YWHAZ: variants seen among roughly 807,000 people sequenced by gnomAD.
YWHAZ encodes the protein 14-3-3 protein zeta/delta.
For missense variants in YWHAZ, 79 were observed against 284.8 expected, an observed-to-expected ratio of 0.28 and a Z score of 5.20; for synonymous variants, 87 against 103.6, an observed-to-expected ratio of 0.84 and a Z score of 0.97.
In YWHAZ at chr8:100,918,406, CTTTATATATATATATA is replaced by C. The variant is rs1563661734; in HGVS notation, c.*2271_*2286del. 5.1e-5 allele frequency: 1 copy of C among 19,618 alleles called. No homozygotes were observed. Among genetic ancestry groups the C allele is most frequent in the African/African-American group, 1.3e-4 (1 of 7,578 alleles). 1.2% of individuals were successfully genotyped at this position (19,618 alleles called of 1,614,324 possible). A position where few individuals can be genotyped will look rare whatever the true frequency, so the allele number is the denominator to read the frequency against. On this transcript the variant is annotated 3_prime_UTR_variant, in exon 6 of 6. Coordinates refer to ENST00000395958, the MANE Select transcript of YWHAZ (RefSeq NM_145690.3). Reference sequence around the variant, plus strand: ...TCAGTCTAGCTATAAAATATAATTACTTTATATATATATATATATATATATATATATATATATAATT... The same window carrying C: ...TCAGTCTAGCTATAAAATATAATTACTATATATATATATATATATATAATT...
At chr8:100,935,356 T>A (rs1303198703) in intron 2 of YWHAZ, among the ~76,000 whole-genome samples, 7 of 152,198 alleles carry the variant, frequency 4.6e-5, no homozygotes, top group Non-Finnish European at 1.5e-5. Flanking sequence ...TTTTAATAGC[T>A]CAACATCCTA....
intron 2 of YWHAZ, among the ~76,000 whole-genome samples, chr8:100,937,349 C>G (rs1586127732): frequency 6.7e-6 from 1 of 150,168 alleles, no homozygotes; most frequent in Non-Finnish European, 1.5e-5. Flanking sequence ...AGAAATGGTA[C>G]AAAAACAATG....
rs556703474 is a variant in YWHAZ, at chr8:100,918,995, A to C, written c.*1698T>G. The C allele has an allele frequency of 2.6e-5, 4 of 152,600 alleles. No individual in the cohort carries two copies. The South Asian group carries it at 8.3e-4, about 32-fold the overall frequency. 9.5% of individuals were successfully genotyped at this position (152,600 alleles called of 1,614,324 possible). On this transcript the variant is annotated 3_prime_UTR_variant, in exon 6 of 6. Coordinates refer to ENST00000395958, the MANE Select transcript of YWHAZ (RefSeq NM_145690.3). ...AAAGGCAGACAATGACAGACCATTC[A>C]GGATAGGTAGGGTTTTAAAGGGAGA...
At position 100,924,913 on chromosome 8, in the gene YWHAZ, T is replaced by C; in HGVS notation, c.418+3A>G. On this transcript the variant is annotated splice_donor_region_variant and intron_variant, in intron 3 of 5. Transcript: ENST00000395958. This position sits in a 1 kb window ranked among gnomAD's most constrained non-coding sequence, Gnocchi z 5.7. ...TCAACCAACAGGTTTAAAAACAGCA[T>C]ACCTTTCTTGTCATCACCAGCGGCA... is the stretch of plus-strand genomic sequence containing the variant. 1.9e-6 allele frequency: 3 copies of C among 1,611,976 alleles called. No homozygotes were observed. Among genetic ancestry groups the C allele is most frequent in the Non-Finnish European group, 2.5e-6 (3 of 1,179,732 alleles).
intron 2 of YWHAZ, among the ~76,000 whole-genome samples, chr8:100,926,190 T>C (rs903699162): frequency 1.5e-5 from 2 of 136,794 alleles, no homozygotes; most frequent in African/African-American, 5.6e-5. Context: ...ACCCAACTTC[T>C]TCCCCCAATT....
chr8:100,951,541 G>A (rs1810782944), intron 1 of YWHAZ: 2 of 985,612 alleles, frequency 2.0e-6, no homozygotes, highest in Non-Finnish European at 2.4e-6. Context: ...GGGGGTGGAA[G>A]CCCGCAGAGA....
At chr8:100,930,446 A>G (rs998511465) in intron 2 of YWHAZ, among the ~76,000 whole-genome samples, 7 of 152,226 alleles carry the variant, frequency 4.6e-5, no homozygotes, top group African/African-American at 1.7e-4. Flanking sequence ...TCAACTTGTA[A>G]AATTTTTCAA....
chr8:100,942,225 G>A (rs1460387021), intron 2 of YWHAZ, among the ~76,000 whole-genome samples: 1 of 152,014 alleles, frequency 6.6e-6, no homozygotes, highest in East Asian at 1.9e-4. Context: ...CATGGCTTTG[G>A]TGCCTGAATG....
chr8:100,940,002 G>A (rs1814511754), intron 2 of YWHAZ, among the ~76,000 whole-genome samples: 2 of 146,944 alleles, frequency 1.4e-5, no homozygotes, highest in African/African-American at 5.0e-5. Flanking sequence ...CAGCCTGGGG[G>A]ACAGAGCGAG....
rs1812774509 is a variant in YWHAZ, at chr8:100,918,048, A to G, written c.*2645T>C. 6.6e-6 allele frequency: 1 copy of G among 152,056 alleles called. No homozygotes were observed. The highest frequency in any genetic ancestry group is 2.1e-4 in the South Asian group (1 of 4,830). The allele number at this position is 152,056 out of a possible 1,614,324, so 9.4% of individuals were successfully genotyped here. On this transcript the variant is annotated 3_prime_UTR_variant, in exon 6 of 6. Transcript: ENST00000395958. The stretch of plus-strand genomic sequence containing the variant: ...AGTTTCAGGTTTTATTTACTTGAAT[A>G]ATATCACATCTCTACTGGGCGCGGT...
intron 2 of YWHAZ, among the ~76,000 whole-genome samples, chr8:100,938,623 A>G (rs981741899): frequency 1.3e-5 from 2 of 152,216 alleles, no homozygotes; most frequent in Non-Finnish European, 2.9e-5. Context: ...TAATTTTCCT[A>G]TAATTTTTAT....
chr8:100,920,412 A>G lies in YWHAZ; in HGVS notation c.*281T>C. On this transcript the variant is annotated 3_prime_UTR_variant, in exon 6 of 6. Coordinates refer to ENST00000395958, the MANE Select transcript of YWHAZ (RefSeq NM_145690.3). ...TTACACTGGCCCTTTTGAAGCCACA[A>G]TGTACCAAAAGTACTATGCCAAACA... 1 of 384,858 alleles carries G rather than the reference A, an allele frequency of 2.6e-6. No homozygotes were observed. Among genetic ancestry groups the G allele is most frequent in the Non-Finnish European group, 4.7e-6 (1 of 214,396 alleles). The allele number at this position is 384,858 out of a possible 1,614,324, so 23.8% of individuals were successfully genotyped here.
chr8:100,944,113 C>T (rs1810091116), intron 2 of YWHAZ, among the ~76,000 whole-genome samples: 1 of 151,824 alleles, frequency 6.6e-6, no homozygotes, highest in South Asian at 2.1e-4. Context: ...TGTAAATATA[C>T]AGTATATCTT....
chr8:100,929,609 G>A (rs760579179), intron 2 of YWHAZ, among the ~76,000 whole-genome samples: 2 of 152,186 alleles, frequency 1.3e-5, no homozygotes, highest in Non-Finnish European at 2.9e-5. Context: ...TTGAATACTA[G>A]AACTTATTTC....
intron 1 of YWHAZ, among the ~76,000 whole-genome samples, chr8:100,949,946 A>G (rs1209637936): frequency 6.6e-6 from 1 of 152,226 alleles, no homozygotes; most frequent in Non-Finnish European, 1.5e-5. Flanking sequence ...ATGACTTCAG[A>G]GGAAAATACA....
chr8:100,936,995 T>A (rs1399837483), intron 2 of YWHAZ, among the ~76,000 whole-genome samples: 1 of 152,212 alleles, frequency 6.6e-6, no homozygotes, highest in Non-Finnish European at 1.5e-5. Context: ...CTGGATGGAA[T>A]TCTGGAGCAG....
chr8:100,945,513 A>AAT (rs1246714535), intron 2 of YWHAZ, among the ~76,000 whole-genome samples: 6 of 152,148 alleles, frequency 3.9e-5, no homozygotes, highest in Non-Finnish European at 8.8e-5. Flanking sequence ...CAAATTAAAA[A>AAT]ATATATATAT....
chr8:100,926,077 C>T (rs1563670775), intron 2 of YWHAZ, among the ~76,000 whole-genome samples: 1 of 152,060 alleles, frequency 6.6e-6, no homozygotes, highest in Non-Finnish European at 1.5e-5. Context: ...TTATATAGCA[C>T]CTACTTATAT....
chr8:100,928,153 G>A (rs1156728315), intron 2 of YWHAZ, among the ~76,000 whole-genome samples: 3 of 152,086 alleles, frequency 2.0e-5, no homozygotes, highest in Admixed American at 1.3e-4. Flanking sequence ...GGTGGCGGGC[G>A]CCTGTAGTCC....
Sources: allele counts gnomAD v4.1 joint callset (sites outside exome capture counted in the v4.1 genomes callset), GRCh38; gene constraint gnomAD v4.1.1; non-coding constraint Gnocchi (gnomAD v3.1); transcripts MANE v1.5; gene names NCBI Gene and HGNC (gene_info 2026-07-23, HGNC 2026-07-21).